The following PLD1 variants were observed in gnomAD, a reference collection of about 807,000 sequenced individuals.
PLD1 encodes choline phosphatase 1.
PLD1 carries 112 observed loss-of-function variants against 137.1 expected under a neutral mutation model. The ratio of observed to expected loss-of-function variants is 0.82; its 90% CI spans 0.70 to 0.96. The LOEUF is 0.96. Among genes scored for constraint, PLD1 ranks in the 40% least tolerant of loss-of-function variants. PLD1 has a pLI of 0.00. For synonymous variants in PLD1, 431 were observed against 454.7 expected, an observed-to-expected ratio of 0.95 and a Z score of 0.66; for missense variants, 1,321 against 1,342.0, an observed-to-expected ratio of 0.98 and a Z score of 0.24.
chr3:171,649,398 T>C lies in PLD1; in HGVS notation c.2430-4375A>G, dbSNP rs558467319. Among the ~76,000 whole-genome samples, 35 of 152,304 alleles carry C rather than the reference T, an allele frequency of 2.3e-4. No individual in the cohort carries two copies. The South Asian group carries it at 5.8e-3, about 25-fold the overall frequency. Reference sequence around the variant, plus strand: ...GCTGTAGAAAAAAGGGCTCTGGAATTTCAAACGCAAAATTGTGGTTGAATG... The same window carrying C: ...GCTGTAGAAAAAAGGGCTCTGGAATCTCAAACGCAAAATTGTGGTTGAATG... On this transcript the variant is annotated intron_variant, in intron 21 of 26. Transcript: ENST00000351298.
intron 6 of PLD1, among the ~76,000 whole-genome samples, chr3:171,729,863 A>AG (rs1275731255): frequency 5.9e-5 from 9 of 152,218 alleles, no homozygotes; most frequent in Non-Finnish European, 1.0e-4. Flanking sequence ...CTACAAAACA[A>AG]GGGAGAGGTG....
chr3:171,720,624 T>G (rs1718063364), intron 8 of PLD1, among the ~76,000 whole-genome samples: 1 of 151,940 alleles, frequency 6.6e-6, no homozygotes, highest in Non-Finnish European at 1.5e-5. Flanking sequence ...ACTTTCTAAA[T>G]TATATGTTAT....
intron 21 of PLD1, among the ~76,000 whole-genome samples, chr3:171,649,155 TATG>T (rs1189092037): frequency 2.0e-5 from 3 of 152,194 alleles, no homozygotes; most frequent in Non-Finnish European, 4.4e-5. Flanking sequence ...ATCTCATATG[TATG>T]ATATTGAGAA....
At chr3:171,730,712 C>T (rs9810450) in intron 6 of PLD1, among the ~76,000 whole-genome samples, 53,184 of 149,574 alleles carry the variant, frequency 0.36, 10,514 homozygotes, top group African/African-American at 0.51. Context: ...AACTGTGGCT[C>T]GCTGCAACCT....
chr3:171,772,116 AG>A (rs1382973843), intron 1 of PLD1, among the ~76,000 whole-genome samples: 1 of 152,244 alleles, frequency 6.6e-6, no homozygotes, highest in East Asian at 1.9e-4. Context: ...CTTAAAACAG[AG>A]TCAGTAATGT....
chr3:171,773,724 C>A (rs1243881768), intron 1 of PLD1, among the ~76,000 whole-genome samples: 1 of 151,736 alleles, frequency 6.6e-6, no homozygotes. Context: ...TTAAACATTA[C>A]CACTCTATTA....
chr3:171,683,753 C>T (rs1352222734), intron 16 of PLD1, among the ~76,000 whole-genome samples: 1 of 152,234 alleles, frequency 6.6e-6, no homozygotes, highest in Non-Finnish European at 1.5e-5. Flanking sequence ...TACCCTCCAA[C>T]TAGTTAATTG....
chr3:171,604,467 C>T (rs1441266501), intron 26 of PLD1, among the ~76,000 whole-genome samples: 1 of 151,514 alleles, frequency 6.6e-6, no homozygotes, highest in Non-Finnish European at 1.5e-5. Flanking sequence ...AAGAGGTTCA[C>T]GTCTGTCCCT....
chr3:171,666,704 C>T (rs1389010904), intron 19 of PLD1, among the ~76,000 whole-genome samples: 1 of 152,162 alleles, frequency 6.6e-6, no homozygotes, highest in Non-Finnish European at 1.5e-5. Flanking sequence ...TCAAACTGTT[C>T]CCTCACATGC....
intron 11 of PLD1, among the ~76,000 whole-genome samples, chr3:171,706,677 A>G (rs1342321848): frequency 6.6e-6 from 1 of 152,322 alleles, no homozygotes; most frequent in Middle Eastern, 3.4e-3. Flanking sequence ...AGATCTACGC[A>G]TACTAGTGTT....
intron 21 of PLD1, among the ~76,000 whole-genome samples, chr3:171,647,593 G>A (rs909604766): frequency 3.9e-5 from 6 of 152,048 alleles, no homozygotes; most frequent in African/African-American, 1.4e-4. Context: ...GGGATTACAG[G>A]TGTGCACCAC....
intron 21 of PLD1, among the ~76,000 whole-genome samples, chr3:171,656,813 C>T (rs1012460921): frequency 2.0e-5 from 3 of 152,232 alleles, no homozygotes; most frequent in African/African-American, 7.2e-5. Context: ...CCACGGAATA[C>T]TCACAGTGAA....
rs1578076866 is a variant in PLD1, at chr3:171,602,724, G to C, written c.*354C>G. On this transcript the variant is annotated 3_prime_UTR_variant, in exon 27 of 27. Transcript: ENST00000351298. ...ATAAATGAAGATCAGAGAAGAATAA[G>C]GAGATTCAGACAACTTTTGGCAACC... 1 of 259,016 alleles carries C rather than the reference G, an allele frequency of 3.9e-6. No individual in the cohort carries two copies. Among genetic ancestry groups the C allele is most frequent in the Non-Finnish European group, 7.5e-6 (1 of 134,196 alleles). 16.0% of individuals were successfully genotyped at this position (259,016 alleles called of 1,614,324 possible).
intron 1 of PLD1, among the ~76,000 whole-genome samples, chr3:171,748,254 G>T (rs947592933): frequency 1.3e-5 from 2 of 152,188 alleles, no homozygotes; most frequent in Non-Finnish European, 2.9e-5. Context: ...TTACGTGTAA[G>T]TCAGACTTTG....
chr3:171,730,370 A>G (rs989550240), intron 6 of PLD1, among the ~76,000 whole-genome samples: 4 of 152,080 alleles, frequency 2.6e-5, no homozygotes, highest in African/African-American at 9.7e-5. Context: ...CTGTCTGATC[A>G]TGACTACACT....
intron 11 of PLD1, among the ~76,000 whole-genome samples, chr3:171,707,580 G>A (rs149666024): frequency 6.6e-6 from 1 of 152,200 alleles, no homozygotes; most frequent in Non-Finnish European, 1.5e-5. Context: ...TCCTCCACAA[G>A]CATGAGCATG....
At chr3:171,751,743 G>A (rs1308562152) in intron 1 of PLD1, among the ~76,000 whole-genome samples, 1 of 152,242 alleles carries the variant, frequency 6.6e-6, no homozygotes, top group Non-Finnish European at 1.5e-5. Context: ...GCTCACGCCT[G>A]TAATCCCAGC....
Position 171,659,351 on chromosome 3 carries a change from T to C in PLD1, c.2341-50A>G, listed in dbSNP as rs577046234. 6.1e-6 allele frequency: 7 copies of C among 1,151,868 alleles called. No homozygotes were observed. The Admixed American group carries it at 8.4e-5, about 14-fold the overall frequency. The allele number at this position is 1,151,868 out of a possible 1,614,324, so 71.4% of individuals were successfully genotyped here. A position where few individuals can be genotyped will look rare whatever the true frequency, so the allele number is the denominator to read the frequency against. ...ATGTTAGTCTTTATTTTCTTAGCAA[T>C]ATACGTAAGAACAATACTGTAATAT... On this transcript the variant is annotated intron_variant, in intron 20 of 26. Coordinates refer to ENST00000351298, the MANE Select transcript of PLD1 (RefSeq NM_002662.5).
At chr3:171,685,558 C>A (rs1238051557) in intron 16 of PLD1, among the ~76,000 whole-genome samples, 1 of 152,138 alleles carries the variant, frequency 6.6e-6, no homozygotes, top group Non-Finnish European at 1.5e-5. Flanking sequence ...AATATCACTA[C>A]CAAGCACTGC....
Sources: gnomAD v4.1 joint callset for allele counts (sites outside exome capture counted in the v4.1 genomes callset) on GRCh38, gnomAD v4.1.1 for gene constraint, MANE v1.5 for transcripts, NCBI Gene and HGNC (gene_info 2026-07-23, HGNC 2026-07-21) for gene names.